Variants in COL5A2 observed in about 807,000 individuals in gnomAD.
COL5A2 encodes the protein collagen alpha-2(V) chain.
In COL5A2, 23 loss-of-function variants were observed where a neutral mutation model predicts 208.2. That is an observed-to-expected ratio of 0.11 (90% CI 0.08 to 0.16). The LOEUF is 0.16. Ranked by LOEUF, COL5A2 falls within the 10% of genes least tolerant of loss-of-function variation. COL5A2 has a pLI of 1.00. For synonymous variants in COL5A2, 625 were observed against 628.5 expected (o/e 0.99, Z 0.08); for missense variants, 1,590 against 1,956.4 (o/e 0.81, Z 3.53).
At chr2:189,112,239 G>C (rs1292928710) in intron 1 of COL5A2, among the ~76,000 whole-genome samples, 7 of 152,138 alleles carry the variant, frequency 4.6e-5, no homozygotes, top group African/African-American at 1.7e-4. Flanking sequence ...TATAATGAAT[G>C]AATCTAAACT....
intron 1 of COL5A2, among the ~76,000 whole-genome samples, chr2:189,160,853 G>T (rs1382186301): frequency 4.8e-5 from 6 of 125,856 alleles, no homozygotes; most frequent in African/African-American, 1.5e-4. Flanking sequence ...TTTTTGAGAC[G>T]GAGTTTCACT....
chr2:189,272,657 T>C, the COL5A2 span, among the ~76,000 whole-genome samples: 1 of 152,126 alleles, frequency 6.6e-6, no homozygotes, highest in Non-Finnish European at 1.5e-5. Context: ...ACTTAAAGTA[T>C]AATTTTTTTA....
intron 52 of COL5A2, 78 bp from the exon 53 acceptor site, chr2:189,035,233 T>C: frequency 6.4e-7 from 1 of 1,557,002 alleles, no homozygotes; most frequent in Non-Finnish European, 8.8e-7. Context: ...GATAAATATA[T>C]AAATTGATTT....
the COL5A2 span, among the ~76,000 whole-genome samples, chr2:189,349,383 A>C: frequency 1.3e-5 from 2 of 152,186 alleles, no homozygotes; most frequent in African/African-American, 4.8e-5. Context: ...AGCAAATAGA[A>C]TTCTACACAA....
the COL5A2 span, among the ~76,000 whole-genome samples, chr2:189,425,183 G>A: frequency 2.0e-5 from 3 of 152,094 alleles, no homozygotes; most frequent in Non-Finnish European, 4.4e-5. Context: ...GACTATTATC[G>A]AAAAGACAAA....
the COL5A2 span, among the ~76,000 whole-genome samples, chr2:189,302,055 T>A: frequency 6.6e-6 from 1 of 152,196 alleles, no homozygotes; most frequent in Admixed American, 6.5e-5. Flanking sequence ...CTTAATCTGA[T>A]AATTTCATTA....
chr2:189,332,294 A>C, the COL5A2 span, among the ~76,000 whole-genome samples: 1 of 152,146 alleles, frequency 6.6e-6, no homozygotes, highest in East Asian at 1.9e-4. Flanking sequence ...AACTTGACCT[A>C]CTCGGCATTA....
chr2:189,169,111 G>A (rs1373473841), intron 1 of COL5A2, among the ~76,000 whole-genome samples: 1 of 152,210 alleles, frequency 6.6e-6, no homozygotes, highest in Non-Finnish European at 1.5e-5. Flanking sequence ...AAATCCCTGT[G>A]CAGTGAAGCA....
At position 189,035,071 on chromosome 2, in the gene COL5A2, T is replaced by C; in HGVS notation, c.4198A>G (p.Asn1400Asp). 1 of 1,613,966 alleles carries C rather than the reference T, an allele frequency of 6.2e-7. No homozygotes were observed. The highest frequency in any genetic ancestry group is 8.5e-7 in the Non-Finnish European group (1 of 1,179,912). The change falls in exon 53 of 54, where the codon AAC becomes GAC. Residue 1400 changes from asparagine (N) to aspartate (D), a missense_variant. Coordinates refer to ENST00000374866, the MANE Select transcript of COL5A2 (RefSeq NM_000393.5). ...CTGTTTTTACAGATGTAAGTGATGT[T>C]CTGGGAGGCTTCTTTTGATAAAAGG... ...LRLLSKEASQ[N>D]ITYICKNSVG...
rs1685656292 is a variant in COL5A2, at chr2:189,045,867, G to C, written c.3242C>G (p.Ser1081Cys). 6.2e-7 allele frequency: 1 copy of C among 1,614,054 alleles called. No homozygotes were observed. ...GCCAGGAGTTCCAGGGGCACCCTGAGAGCCTGGCAGACCTGCAGGCCCAGG... is the reference window on the plus strand; with the variant it reads ...GCCAGGAGTTCCAGGGGCACCCTGACAGCCTGGCAGACCTGCAGGCCCAGG... ...GDPGPAGLPGSQGAPGTPGPV... is the reference protein window; with the variant it reads ...GDPGPAGLPGCQGAPGTPGPV... Residue 1081 changes from serine (S) to cysteine (C), a missense_variant, in exon 46 of 54, where the codon TCT (serine) becomes TGT (cysteine). By Grantham distance (112) the Ser-to-Cys change is moderately radical. Coordinates refer to ENST00000374866, the MANE Select transcript of COL5A2 (RefSeq NM_000393.5).
intron 1 of COL5A2, among the ~76,000 whole-genome samples, chr2:189,187,114 G>A (rs13028967): frequency 0.58 from 88,804 of 152,002 alleles, 27,310 homozygotes; most frequent in East Asian, 0.72. Flanking sequence ...AGCTTGGCTT[G>A]TGTAGCACTC....
chr2:189,245,623 T>G, the COL5A2 span, among the ~76,000 whole-genome samples: 1 of 152,004 alleles, frequency 6.6e-6, no homozygotes, highest in Non-Finnish European at 1.5e-5. Flanking sequence ...TAGCTGGGAC[T>G]ACAGGCACCT....
At chr2:189,221,700 C>T (rs1319990395) in intron 1 of COL5A2, among the ~76,000 whole-genome samples, 1 of 152,036 alleles carries the variant, frequency 6.6e-6, no homozygotes, top group African/African-American at 2.4e-5. Flanking sequence ...AGGAGTAGTT[C>T]TTGACCCTTG....
chr2:189,322,345 C>G, the COL5A2 span, among the ~76,000 whole-genome samples: 2 of 152,042 alleles, frequency 1.3e-5, no homozygotes, highest in East Asian at 1.9e-4. Context: ...AACTGAAGGA[C>G]ATAGAGACAC....
At chr2:189,371,758 A>G in the COL5A2 span, among the ~76,000 whole-genome samples, 1 of 152,236 alleles carries the variant, frequency 6.6e-6, no homozygotes, top group African/African-American at 2.4e-5. Flanking sequence ...ACTTATAGTT[A>G]GAACTTATAT....
chr2:189,053,419 T>A lies in COL5A2; in HGVS notation c.2553+5A>T, dbSNP rs371072906. On this transcript the variant is annotated splice_donor_5th_base_variant and intron_variant, in intron 38 of 53. Transcript: ENST00000374866. The stretch of plus-strand genomic sequence containing the variant: ...TTGTAAATTAGGGATATTTGAAAAT[T>A]ATACCTGGGGTCCGGCAAAACCAAC... 21 of 1,612,670 alleles carry A rather than the reference T, an allele frequency of 1.3e-5. No homozygotes were observed. Among genetic ancestry groups the A allele is most frequent in the Non-Finnish European group, 1.8e-5 (21 of 1,178,774 alleles).
At chr2:189,398,031 T>A in the COL5A2 span, among the ~76,000 whole-genome samples, 1 of 152,170 alleles carries the variant, frequency 6.6e-6, no homozygotes, top group African/African-American at 2.4e-5. Context: ...TCTGTGGTAA[T>A]GCTTCTTTTA....
At chr2:189,310,889 A>T in the COL5A2 span, among the ~76,000 whole-genome samples, 2 of 152,116 alleles carry the variant, frequency 1.3e-5, no homozygotes, top group South Asian at 4.1e-4. Context: ...GATTAAACTC[A>T]TACAGATAGG....
chr2:189,141,745 C>A (rs1364593539), intron 1 of COL5A2, among the ~76,000 whole-genome samples: 1 of 152,054 alleles, frequency 6.6e-6, no homozygotes, highest in Non-Finnish European at 1.5e-5. Context: ...TGTATTCTGA[C>A]CTAAAAAATT....
Sources: gnomAD v4.1 joint callset for allele counts (sites outside exome capture counted in the v4.1 genomes callset) on GRCh38, gnomAD v4.1.1 for gene constraint, MANE v1.5 for transcripts, NCBI Gene and HGNC (gene_info 2026-07-23, HGNC 2026-07-21) for gene names.